NRXN1: variants seen among roughly 807,000 people sequenced by gnomAD.
NRXN1 encodes the protein neurexin 1, also known as neurexin-1.
In NRXN1, 39 loss-of-function variants were observed where a neutral mutation model predicts 150.9. The ratio of observed to expected loss-of-function variants is 0.26; its 90% CI spans 0.20 to 0.34. The LOEUF is 0.34. Among genes scored for constraint, NRXN1 ranks in the 10% least tolerant of loss-of-function variants. The pLI is 1.00. For synonymous variants in NRXN1, 924 were observed against 757.0 expected, an observed-to-expected ratio of 1.22 and a Z score of -3.62; for missense variants, 1,815 against 1,949.9, an observed-to-expected ratio of 0.93 and a Z score of 1.30.
chr2:50,379,692 G>A (rs188555640), intron 17 of NRXN1, among the ~76,000 whole-genome samples: 2 of 152,016 alleles, frequency 1.3e-5, no homozygotes, highest in Admixed American at 1.3e-4. Flanking sequence ...TAATATTAAC[G>A]TGCAATTTAG....
chr2:50,653,770 C>T (rs946778115), intron 5 of NRXN1, among the ~76,000 whole-genome samples: 22 of 151,968 alleles, frequency 1.4e-4, no homozygotes, highest in African/African-American at 2.2e-4. Flanking sequence ...CATGATCAGA[C>T]TTGCCTGTTC....
intron 18 of NRXN1, among the ~76,000 whole-genome samples, chr2:50,109,652 G>T (rs1573963529): frequency 1.3e-5 from 2 of 151,972 alleles, no homozygotes; most frequent in Admixed American, 6.6e-5. Context: ...CTTGTTCTGG[G>T]ATGCTGAGAT....
At chr2:50,094,767 G>GAAAAA (rs10632264) in intron 18 of NRXN1, among the ~76,000 whole-genome samples, 1 of 131,476 alleles carries the variant, frequency 7.6e-6, no homozygotes. Context: ...GAAAAGAAAA[G>GAAAAA]AAAAAAAAAA....
At chr2:50,504,942 T>C (rs1015048323) in intron 13 of NRXN1, among the ~76,000 whole-genome samples, 1 of 152,182 alleles carries the variant, frequency 6.6e-6, no homozygotes, top group Non-Finnish European at 1.5e-5. Context: ...AAAGCCTAGA[T>C]CAAACATTAT....
At position 50,781,431 on chromosome 2, in the gene NRXN1, C is replaced by T. The variant is rs1189327525; in HGVS notation, c.832+140438G>A. 2.7e-5 allele frequency among the ~76,000 whole-genome samples: 4 copies of T among 150,418 alleles called. No homozygotes were observed. In the East Asian group the frequency reaches 7.8e-4, roughly 29 times the overall value. ...CAAACATGCAGAAATGCAAATGACA[C>T]ATAGGAAATTATCTCCAAGCGCTTA... On this transcript the variant is annotated intron_variant, in intron 5 of 22. Coordinates refer to ENST00000401669, the MANE Select transcript of NRXN1 (RefSeq NM_001330078.2).
chr2:50,712,167 T>A (rs1243014469), intron 5 of NRXN1, among the ~76,000 whole-genome samples: 1 of 150,584 alleles, frequency 6.6e-6, no homozygotes, highest in Non-Finnish European at 1.5e-5. Flanking sequence ...TTATGAAATA[T>A]TATTGATTAC....
chr2:50,960,117 G>A (rs1692909622), intron 2 of NRXN1, among the ~76,000 whole-genome samples: 1 of 151,476 alleles, frequency 6.6e-6, no homozygotes, highest in Admixed American at 6.6e-5. Flanking sequence ...TGTATGAAAT[G>A]TCCTGGGACT....
chr2:50,102,953 T>G (rs1354677803), intron 18 of NRXN1, among the ~76,000 whole-genome samples: 2 of 152,052 alleles, frequency 1.3e-5, no homozygotes, highest in Non-Finnish European at 2.9e-5. Flanking sequence ...GTAAAATATA[T>G]TATTTGCACA....
intron 2 of NRXN1, among the ~76,000 whole-genome samples, chr2:50,953,479 T>G (rs990233362): frequency 6.6e-6 from 1 of 151,710 alleles, no homozygotes; most frequent in Non-Finnish European, 1.5e-5. Flanking sequence ...TCATGTGAAC[T>G]CCCTAAAAAT....
chr2:50,081,353 T>C (rs1023980561), intron 19 of NRXN1, among the ~76,000 whole-genome samples: 3 of 151,950 alleles, frequency 2.0e-5, no homozygotes, highest in Non-Finnish European at 4.4e-5. Context: ...CTGAGGCGGG[T>C]GGATCACGAG....
chr2:50,233,958 A>T (rs2065190582), intron 18 of NRXN1, among the ~76,000 whole-genome samples: 1 of 152,028 alleles, frequency 6.6e-6, no homozygotes, highest in African/African-American at 2.4e-5. Context: ...TATCACCCCC[A>T]GGCATTATCT....
At chr2:50,131,901 A>G (rs1705554662) in intron 18 of NRXN1, among the ~76,000 whole-genome samples, 2 of 105,896 alleles carry the variant, frequency 1.9e-5, no homozygotes, top group South Asian at 6.0e-4. Flanking sequence ...AGTACACTAG[A>G]CGGTCCAACA....
chr2:50,470,927 T>C (rs1445719449), intron 16 of NRXN1, among the ~76,000 whole-genome samples: 1 of 151,778 alleles, frequency 6.6e-6, no homozygotes, highest in African/African-American at 2.4e-5. Context: ...GATATAGGAA[T>C]ATTAGCCTGG....
In NRXN1 at chr2:49,921,125, AT is replaced by A. The variant is rs1420627048; in HGVS notation, c.*818del. The A allele has an allele frequency of 3.3e-5, 5 of 152,730 alleles. No individual in the cohort carries two copies. The highest frequency in any genetic ancestry group is 1.2e-4 in the African/African-American group (5 of 41,562). The allele number at this position is 152,730 out of a possible 1,614,324, so 9.5% of individuals were successfully genotyped here. On this transcript the variant is annotated 3_prime_UTR_variant, in exon 23 of 23. Transcript: ENST00000401669. The stretch of plus-strand genomic sequence containing the variant: ...GCTGAAGAGCAGAGATATATTTTGC[AT>A]TTTCTATACAACAGGCTATAAAACG...
intron 5 of NRXN1, among the ~76,000 whole-genome samples, chr2:50,834,986 T>A (rs1462615767): frequency 3.3e-5 from 5 of 152,194 alleles, no homozygotes; most frequent in Non-Finnish European, 7.3e-5. Context: ...GACTATTAGA[T>A]TTGTCTTCTT....
intron 5 of NRXN1, chr2:50,829,351 C>G: frequency 1.2e-6 from 1 of 812,312 alleles, no homozygotes. Context: ...GACAGTCAAA[C>G]TCCCAAACTC....
chr2:50,116,319 C>T (rs1015069241), intron 18 of NRXN1, among the ~76,000 whole-genome samples: 1 of 151,946 alleles, frequency 6.6e-6, no homozygotes, highest in Non-Finnish European at 1.5e-5. Context: ...CCTCATAGGG[C>T]TAATTAGAGA....
At chr2:50,238,497 G>C (rs186004618) in intron 17 of NRXN1, among the ~76,000 whole-genome samples, 7 of 151,926 alleles carry the variant, frequency 4.6e-5, no homozygotes, top group Admixed American at 2.0e-4. Flanking sequence ...GAAAACTTAG[G>C]CCACAAAACT....
chr2:50,695,629 G>C (rs1356260762), intron 5 of NRXN1, among the ~76,000 whole-genome samples: 2 of 152,122 alleles, frequency 1.3e-5, no homozygotes, highest in Non-Finnish European at 2.9e-5. Flanking sequence ...CAAAATTTGA[G>C]AGATTAAAAT....
Sources: gnomAD v4.1 joint callset for allele counts (sites outside exome capture counted in the v4.1 genomes callset) on GRCh38, gnomAD v4.1.1 for gene constraint, MANE v1.5 for transcripts, NCBI Gene and HGNC (gene_info 2026-07-23, HGNC 2026-07-21) for gene names.